MEIS1: variants seen among roughly 807,000 people sequenced by gnomAD.
MEIS1 encodes the protein Meis homeobox 1, also known as homeobox protein Meis1.
In MEIS1, 5 loss-of-function variants were observed where a neutral mutation model predicts 50.8. The observed-to-expected ratio is 0.10, with a 90% CI of 0.05 to 0.21. The LOEUF is 0.21. Ranked by LOEUF, MEIS1 falls within the 10% of genes least tolerant of loss-of-function variation. The pLI is 1.00. For missense variants in MEIS1, 318 were observed against 517.3 expected (o/e 0.61, Z 3.74); for synonymous variants, 176 against 179.3 (o/e 0.98, Z 0.15).
intron 2 of MEIS1, among the ~76,000 whole-genome samples, chr2:66,438,586 C>T (rs1335456528): frequency 6.6e-6 from 1 of 152,144 alleles, no homozygotes; most frequent in Non-Finnish European, 1.5e-5. Context: ...TGCTCAAAGG[C>T]GAAACCTGCA....
chr2:66,522,837 A>G (rs964018344), intron 8 of MEIS1, among the ~76,000 whole-genome samples: 2 of 152,200 alleles, frequency 1.3e-5, no homozygotes, highest in African/African-American at 2.4e-5. Flanking sequence ...TAGTGACCGC[A>G]TAGGAAGTAG....
At chr2:66,530,874 T>C (rs908780397) in intron 8 of MEIS1, among the ~76,000 whole-genome samples, 1 of 152,254 alleles carries the variant, frequency 6.6e-6, no homozygotes, top group Non-Finnish European at 1.5e-5. Context: ...ACATTATCTT[T>C]CAGTACTGGT....
intron 2 of MEIS1, chr2:66,439,428 C>T (rs1671892650): frequency 1.5e-6 from 2 of 1,310,062 alleles, no homozygotes; most frequent in East Asian, 3.0e-5. Flanking sequence ...AGGAGGAACC[C>T]GCAGGAACCA....
intron 2 of MEIS1, chr2:66,439,189 A>AG (rs1466946191): frequency 1.3e-6 from 1 of 765,058 alleles, no homozygotes; most frequent in Non-Finnish European, 1.6e-6. Context: ...GCTCTACTGC[A>AG]GGAACATTTG....
chr2:66,531,472 C>T (rs1410341507), intron 8 of MEIS1, among the ~76,000 whole-genome samples: 1 of 152,132 alleles, frequency 6.6e-6, no homozygotes, highest in Non-Finnish European at 1.5e-5. Flanking sequence ...GTCCTTCAAA[C>T]ATGTATTAGA....
chr2:66,548,310 CT>C (rs530304808), intron 9 of MEIS1, among the ~76,000 whole-genome samples: 265 of 151,614 alleles, frequency 1.7e-3, no homozygotes, highest in Admixed American at 8.7e-3. Context: ...CTCTCTATGG[CT>C]TTTTTTTTCC....
chr2:66,485,618 A>C (rs1438834633), intron 7 of MEIS1, among the ~76,000 whole-genome samples: 2 of 152,242 alleles, frequency 1.3e-5, no homozygotes, highest in African/African-American at 4.8e-5. Context: ...TATACCCAGT[A>C]ATGGGATTGC....
intron 9 of MEIS1, among the ~76,000 whole-genome samples, chr2:66,555,715 G>A (rs958997806): frequency 3.9e-5 from 6 of 152,080 alleles, no homozygotes; most frequent in Admixed American, 1.3e-4. Context: ...GCACGGAAGC[G>A]CAGTACCCAG....
At chr2:66,501,196 C>T (rs1174284737) in intron 7 of MEIS1, among the ~76,000 whole-genome samples, 1 of 152,108 alleles carries the variant, frequency 6.6e-6, no homozygotes, top group African/African-American at 2.4e-5. Context: ...AAAATTCTTT[C>T]TAAGCTGTTG....
chr2:66,560,582 T>C (rs1161811068), intron 9 of MEIS1, among the ~76,000 whole-genome samples: 1 of 109,496 alleles, frequency 9.1e-6, no homozygotes, highest in Non-Finnish European at 1.9e-5. Flanking sequence ...AGACTCTGTC[T>C]CAAAAAAAAA....
Position 66,476,385 on chromosome 2 carries a change from A to T in MEIS1, c.742+12165A>T, listed in dbSNP as rs550656992. On this transcript the variant is annotated intron_variant, in intron 7 of 12. Coordinates refer to ENST00000272369, the MANE Select transcript of MEIS1 (RefSeq NM_002398.3). ...ATGTACATTTTAAGCATATGAGAGG[A>T]TTACTCCCAAAGATAGAAGTGAAAA... 5.9e-5 allele frequency among the ~76,000 whole-genome samples: 9 copies of T among 152,320 alleles called. No individual in the cohort carries two copies. The South Asian group carries it at 1.0e-3, about 18-fold the overall frequency.
At chr2:66,546,014 G>A (rs890911567) in intron 8 of MEIS1, among the ~76,000 whole-genome samples, 4 of 152,164 alleles carry the variant, frequency 2.6e-5, no homozygotes, top group Non-Finnish European at 4.4e-5. Context: ...TTTCTGTTAT[G>A]TCCCAGTCTG....
chr2:66,505,626 A>T (rs1361977325), intron 7 of MEIS1, among the ~76,000 whole-genome samples: 11 of 152,336 alleles, frequency 7.2e-5, no homozygotes, highest in Admixed American at 5.2e-4. Flanking sequence ...AAACCTGGGA[A>T]ATGTGCAAAG....
intron 7 of MEIS1, among the ~76,000 whole-genome samples, chr2:66,498,661 TAC>T (rs1208428612): frequency 2.0e-5 from 3 of 152,194 alleles, no homozygotes; most frequent in Admixed American, 2.0e-4. Flanking sequence ...TGGGCGCAGC[TAC>T]AGTCTTCCTG....
chr2:66,484,817 G>T (rs13401085), intron 7 of MEIS1, among the ~76,000 whole-genome samples: 2 of 151,840 alleles, frequency 1.3e-5, no homozygotes, highest in African/African-American at 4.8e-5. Context: ...GCCTTGGCCT[G>T]CCAAAGTGCT....
chr2:66,524,353 G>A (rs34545468), intron 8 of MEIS1, among the ~76,000 whole-genome samples: 111 of 152,174 alleles, frequency 7.3e-4, no homozygotes, highest in South Asian at 1.2e-3. Context: ...CTTAAGCCCC[G>A]GAGTTCAAGA....
chr2:66,522,338 T>C (rs1674144898), intron 8 of MEIS1, among the ~76,000 whole-genome samples: 1 of 152,194 alleles, frequency 6.6e-6, no homozygotes, highest in South Asian at 2.1e-4. Context: ...TTCCTATTGA[T>C]AGATGAGGAA....
chr2:66,467,912 A>G (rs1466361567), intron 7 of MEIS1, among the ~76,000 whole-genome samples: 2 of 152,194 alleles, frequency 1.3e-5, no homozygotes, highest in Admixed American at 6.5e-5. Flanking sequence ...TTGCTACAAC[A>G]TTGATTTTTG....
intron 6 of MEIS1, among the ~76,000 whole-genome samples, chr2:66,456,676 G>C (rs1217971791): frequency 6.6e-6 from 1 of 152,222 alleles, no homozygotes; most frequent in African/African-American, 2.4e-5. Context: ...TTACAGACTT[G>C]GCAAAGGTAA....
Sources: gnomAD v4.1 joint callset for allele counts (sites outside exome capture counted in the v4.1 genomes callset) on GRCh38, gnomAD v4.1.1 for gene constraint, MANE v1.5 for transcripts, NCBI Gene and HGNC (gene_info 2026-07-23, HGNC 2026-07-21) for gene names.